The following EFCAB6 variants were observed in gnomAD, a reference collection of about 807,000 sequenced individuals.
EFCAB6 encodes EF-hand calcium-binding domain-containing protein 6.
Under a neutral mutation model 169.8 loss-of-function variants are expected in EFCAB6, and 156 were observed. The observed-to-expected ratio is 0.92, with a 90% CI of 0.81 to 1.05. The LOEUF is 1.05. Ranked by LOEUF, EFCAB6 falls within the 50% of genes least tolerant of loss-of-function variation. The probability of loss-of-function intolerance (pLI) is 0.00; values close to 1 mark genes in which losing one functional copy is unlikely to be tolerated. For missense variants in EFCAB6, 1,800 were observed against 1,829.1 expected (o/e 0.98, Z 0.29); for synonymous variants, 698 against 676.4 (o/e 1.03, Z -0.50).
rs529364597 is a variant in EFCAB6, at chr22:43,661,237, G to T, written c.1983+5867C>A. Among the ~76,000 whole-genome samples the T allele has an allele frequency of 2.0e-5, 3 of 152,020 alleles. No individual in the cohort carries two copies. The South Asian group carries it at 6.2e-4, about 32-fold the overall frequency. ...AAAAAAATTTTTAAAAATTATTCAGGCCTGGTGGCATGGACCTCTAGTTCC... is the reference window on the plus strand; with the variant it reads ...AAAAAAATTTTTAAAAATTATTCAGTCCTGGTGGCATGGACCTCTAGTTCC... On this transcript the variant is annotated intron_variant, in intron 17 of 31. Transcript: ENST00000262726.
rs907024470 is a variant in EFCAB6, at chr22:43,572,878, G to A, written c.3420+3419C>T. ...ACCCAGCTCAGCGCCTGGTACACAT[G>A]GGCCATAGGAAACACGTGTCATGAG... is the stretch of plus-strand genomic sequence containing the variant. On this transcript the variant is annotated intron_variant, in intron 26 of 31. Transcript: ENST00000262726. This position sits in a 1 kb window ranked among gnomAD's most constrained non-coding sequence, Gnocchi z 4.0. 6.6e-6 allele frequency among the ~76,000 whole-genome samples: 1 copy of A among 152,208 alleles called. No homozygotes were observed. Among genetic ancestry groups the A allele is most frequent in the Non-Finnish European group, 1.5e-5 (1 of 68,050 alleles).
intron 20 of EFCAB6, among the ~76,000 whole-genome samples, chr22:43,622,161 A>C (rs1369407815): frequency 6.6e-6 from 1 of 152,234 alleles, no homozygotes; most frequent in African/African-American, 2.4e-5. Context: ...GAATACTCCC[A>C]GTTCATTTTA....
chr22:43,768,023 T>C lies in EFCAB6; in HGVS notation c.352-2630A>G, dbSNP rs188938588. On this transcript the variant is annotated intron_variant, in intron 4 of 31. Coordinates refer to ENST00000262726, the MANE Select transcript of EFCAB6 (RefSeq NM_022785.4). Reference sequence around the variant, plus strand: ...GTTTTTAGATCAGTATCCGTCATTGTGATAAGTATCTTGCAAGAAGACATT... The same window carrying C: ...GTTTTTAGATCAGTATCCGTCATTGCGATAAGTATCTTGCAAGAAGACATT... 6.6e-5 allele frequency among the ~76,000 whole-genome samples: 10 copies of C among 152,390 alleles called. No homozygotes were observed. In the East Asian group the frequency reaches 1.3e-3, roughly 21 times the overall value.
intron 23 of EFCAB6, 136 bp from the exon 24 acceptor site, chr22:43,590,365 C>T (rs1602461551): frequency 1.0e-6 from 1 of 970,518 alleles, no homozygotes. Flanking sequence ...TGTTTTACAG[C>T]CTCAGTGTAA....
intron 10 of EFCAB6, among the ~76,000 whole-genome samples, chr22:43,692,414 G>GATAA (rs2058442713): frequency 1.3e-5 from 2 of 152,098 alleles, no homozygotes; most frequent in African/African-American, 4.8e-5. Context: ...AATCAACTGA[G>GATAA]ATAACCCAAA....
At chr22:43,725,158 T>TTA (rs1491059209) in intron 8 of EFCAB6, among the ~76,000 whole-genome samples, 87 of 112,130 alleles carry the variant, frequency 7.8e-4, no homozygotes, top group Admixed American at 6.4e-4. Context: ...TTTTTTTTTT[T>TTA]AGACGGAGTT....
In EFCAB6 at chr22:43,795,833, C is replaced by G. The variant is rs2148142101; in HGVS notation, c.-8+13162G>C. On this transcript the variant is annotated intron_variant, in intron 2 of 31. Coordinates refer to ENST00000262726, the MANE Select transcript of EFCAB6 (RefSeq NM_022785.4). The surrounding 1 kb of genome is among the most constrained non-coding windows in gnomAD (Gnocchi z 4.2). Reference sequence around the variant, plus strand: ...ACTCGCCTCCCAACACACACACACACACACACACTACACACTCACCACATA... The same window carrying G: ...ACTCGCCTCCCAACACACACACACAGACACACACTACACACTCACCACATA... Among the ~76,000 whole-genome samples, 1 of 151,648 alleles carries G rather than the reference C, an allele frequency of 6.6e-6. No homozygotes were observed. The highest frequency in any genetic ancestry group is 1.5e-5 in the Non-Finnish European group (1 of 67,874).
intron 2 of EFCAB6, among the ~76,000 whole-genome samples, chr22:43,808,790 C>T (rs995282910): frequency 1.2e-4 from 19 of 152,182 alleles, no homozygotes; most frequent in Non-Finnish European, 5.9e-5. Flanking sequence ...AGGATGGAAA[C>T]ACCAGGAGTG....
rs753794722 is a variant in EFCAB6 at position 43,628,811 on chromosome 22, CAT to C, written c.2233-2134_2233-2133del. On this transcript the variant is annotated intron_variant, in intron 19 of 31. Coordinates refer to ENST00000262726, the MANE Select transcript of EFCAB6 (RefSeq NM_022785.4). This position sits in a 1 kb window ranked among gnomAD's most constrained non-coding sequence, Gnocchi z 4.8. Reference sequence around the variant, plus strand: ...CGATCCTCTACTTTTCTCTTTGGCACATGTCACCACCTGATCTAGTAGAGGTT... The same window carrying C: ...CGATCCTCTACTTTTCTCTTTGGCACGTCACCACCTGATCTAGTAGAGGTT... 1.3e-5 allele frequency among the ~76,000 whole-genome samples: 2 copies of C among 152,166 alleles called. No individual in the cohort carries two copies. Among genetic ancestry groups the C allele is most frequent in the Admixed American group, 1.3e-4 (2 of 15,280 alleles).
intron 17 of EFCAB6, among the ~76,000 whole-genome samples, chr22:43,651,024 A>G (rs945871940): frequency 2.0e-5 from 3 of 152,242 alleles, no homozygotes; most frequent in African/African-American, 7.2e-5. Context: ...ACAATGCGAT[A>G]GAAAAGAAAA....
chr22:43,670,984 G>T (rs1433980554), intron 15 of EFCAB6, among the ~76,000 whole-genome samples: 1 of 152,162 alleles, frequency 6.6e-6, no homozygotes, highest in Non-Finnish European at 1.5e-5. Flanking sequence ...CACAACTCTA[G>T]TAAGAAATAT....
chr22:43,744,585 A>G lies in EFCAB6; in HGVS notation c.508-8592T>C, dbSNP rs1458180641. On this transcript the variant is annotated intron_variant, in intron 6 of 31. Coordinates refer to ENST00000262726, the MANE Select transcript of EFCAB6 (RefSeq NM_022785.4). This position sits in a 1 kb window ranked among gnomAD's most constrained non-coding sequence, Gnocchi z 4.3. Reference sequence around the variant, plus strand: ...ACTGCTCATCAGGGAAGGGGACCCAAGCAGCCAAAGGAAGTGAGCTGGACC... The same window carrying G: ...ACTGCTCATCAGGGAAGGGGACCCAGGCAGCCAAAGGAAGTGAGCTGGACC... Among the ~76,000 whole-genome samples the G allele has an allele frequency of 6.6e-6, 1 of 152,120 alleles. No individual in the cohort carries two copies. Among genetic ancestry groups the G allele is most frequent in the Non-Finnish European group, 1.5e-5 (1 of 68,010 alleles).
At chr22:43,642,388 C>G (rs952644357) in intron 17 of EFCAB6, among the ~76,000 whole-genome samples, 5 of 151,722 alleles carry the variant, frequency 3.3e-5, no homozygotes, top group African/African-American at 1.2e-4. Flanking sequence ...CAACATGAAA[C>G]AGGTACCAAA....
chr22:43,642,061 C>T (rs1404944674), intron 17 of EFCAB6, among the ~76,000 whole-genome samples: 3 of 152,096 alleles, frequency 2.0e-5, no homozygotes, highest in Non-Finnish European at 4.4e-5. Context: ...CTGCCTCAAG[C>T]CTCCTGAGTA....
intron 15 of EFCAB6, 32 bp downstream of exon 15, chr22:43,671,941 G>T: frequency 6.2e-7 from 1 of 1,607,514 alleles, no homozygotes; most frequent in South Asian, 1.1e-5. Context: ...TGAAAAACAC[G>T]ACATGAATTA....
intron 26 of EFCAB6, among the ~76,000 whole-genome samples, chr22:43,575,958 T>G (rs1283996017): frequency 3.3e-5 from 5 of 152,170 alleles, no homozygotes; most frequent in African/African-American, 9.7e-5. Context: ...ACCTGAAACC[T>G]TAAAAATGTT....
chr22:43,686,182 G>C (rs1284031200), intron 11 of EFCAB6, among the ~76,000 whole-genome samples: 2 of 152,164 alleles, frequency 1.3e-5, no homozygotes, highest in East Asian at 3.9e-4. Flanking sequence ...GTTTCTCCAT[G>C]TTGGTCAGGC....
chr22:43,534,899 G>A (rs574690136), intron 29 of EFCAB6, 27 bp from the exon 30 acceptor site: 1 of 1,581,558 alleles, frequency 6.3e-7, no homozygotes, highest in East Asian at 2.3e-5. Context: ...CAGTTCAATT[G>A]GTGGCGATTC....
intron 21 of EFCAB6, among the ~76,000 whole-genome samples, chr22:43,614,178 A>AAAAAAAAAC: frequency 2.0e-5 from 1 of 49,898 alleles, no homozygotes; most frequent in Non-Finnish European, 4.0e-5. Flanking sequence ...ACAATACTGC[A>AAAAAAAAAC]AAAAAAAAAA....
Sources: allele counts gnomAD v4.1 joint callset (sites outside exome capture counted in the v4.1 genomes callset), GRCh38; gene constraint gnomAD v4.1.1; non-coding constraint Gnocchi (gnomAD v3.1); transcripts MANE v1.5; gene names NCBI Gene and HGNC (gene_info 2026-07-23, HGNC 2026-07-21).